The following ABCA3 variants were observed in gnomAD, a reference collection of about 807,000 sequenced individuals.
The protein encoded by ABCA3 is phospholipid-transporting ATPase ABCA3.
ABCA3 carries 88 observed loss-of-function variants against 172.8 expected under a neutral mutation model. The observed-to-expected ratio is 0.51, with a 90% CI of 0.43 to 0.61. The LOEUF is 0.61. Among genes scored for constraint, ABCA3 ranks in the 20% least tolerant of loss-of-function variants. The pLI is 0.00. For synonymous variants in ABCA3, 1,066 were observed against 983.8 expected (o/e 1.08, Z -1.56); for missense variants, 2,164 against 2,301.0 (o/e 0.94, Z 1.22).
chr16:2,317,653 C>T lies in ABCA3; in HGVS notation c.985G>A (p.Val329Ile). The change falls in exon 9 of 33, where the codon GTC becomes ATC. Residue 329 changes from valine to isoleucine, a missense_variant. By Grantham distance (29) the Val-to-Ile change is conservative (BLOSUM62 3). Transcript: ENST00000301732. The part of the protein sequence containing the change: ...AASFMTLLFC[V>I]KVKPNVAVLS... ...CCCACCGACGCCATGCTCACCTTGACACAGAAGAGCAGGGTCATGAAGGAG... is the reference window on the plus strand; with the variant it reads ...CCCACCGACGCCATGCTCACCTTGATACAGAAGAGCAGGGTCATGAAGGAG... The T allele has an allele frequency of 1.2e-6, 2 of 1,614,152 alleles. No individual in the cohort carries two copies. The highest frequency in any genetic ancestry group is 1.3e-5 in the African/African-American group (1 of 75,066).
Position 2,328,772 on chromosome 16 carries a change from A to C in ABCA3, c.-331-15T>G. 1 of 265,672 alleles carries C rather than the reference A, an allele frequency of 3.8e-6. No homozygotes were observed. The highest frequency in any genetic ancestry group is 3.8e-5 in the South Asian group (1 of 26,346). 16.5% of individuals were successfully genotyped at this position (265,672 alleles called of 1,614,324 possible). On this transcript the variant is annotated splice_polypyrimidine_tract_variant and intron_variant, in intron 2 of 32. Transcript: ENST00000301732. ...CACACTCATGGCTGATCCAAACCCA[A>C]CATCATCCATCAGCCAGGTTAAGAT...
At chr16:2,339,082 A>C (rs1045722141) in intron 1 of ABCA3, 1 of 152,244 alleles carries the variant, frequency 6.6e-6, no homozygotes, top group Non-Finnish European at 1.5e-5. Context: ...ATTGTGCACA[A>C]GGCCTTCCCC....
chr16:2,319,610 C>T lies in ABCA3; in HGVS notation c.844G>A (p.Val282Ile), dbSNP rs2093722446. 1.2e-6 allele frequency: 2 copies of T among 1,613,098 alleles called. No individual in the cohort carries two copies. The highest frequency in any genetic ancestry group is 1.7e-6 in the Non-Finnish European group (2 of 1,180,028). ...AGCCTCCTTTCCTTCTCCTGCACGA[C>T]AGCACGGGCAATGGTGAGCGCGGTG... ...TYTALTIARA[V>I]VQEKERRLKE... Residue 282 changes from valine to isoleucine, a missense_variant, in exon 8 of 33, where the codon GTC becomes ATC. Physicochemically the swap from Val to Ile is conservative, Grantham distance 29. Coordinates refer to ENST00000301732, the MANE Select transcript of ABCA3 (RefSeq NM_001089.3).
chr16:2,320,910 A>G (rs1240635011), intron 7 of ABCA3, among the ~76,000 whole-genome samples: 1 of 151,792 alleles, frequency 6.6e-6, no homozygotes, highest in African/African-American at 2.4e-5. Flanking sequence ...TCTTAATAAC[A>G]AAACTTTTTT....
At chr16:2,303,130 T>C (rs994582973) in intron 12 of ABCA3, among the ~76,000 whole-genome samples, 1 of 151,848 alleles carries the variant, frequency 6.6e-6, no homozygotes, top group Non-Finnish European at 1.5e-5. Context: ...CTATGCTATA[T>C]GTCCATCCAT....
rs2093658470 is a variant in ABCA3 at position 2,283,630 on chromosome 16, G to A, written c.3863-272C>T. On this transcript the variant is annotated intron_variant, in intron 25 of 32. Transcript: ENST00000301732. The surrounding 1 kb of genome is among the most constrained non-coding windows in gnomAD (Gnocchi z 5.4). ...CGCCTGAGAGGCACAGGCTCTGCGT[G>A]AATCCTGGGCTGCCTCCTGACCAGG... is the stretch of plus-strand genomic sequence containing the variant. The A allele has an allele frequency of 2.1e-5, 10 of 475,486 alleles. No individual in the cohort carries two copies. The highest frequency in any genetic ancestry group is 1.9e-4 in the South Asian group (9 of 46,928). The allele number at this position is 475,486 out of a possible 1,614,324, so 29.5% of individuals were successfully genotyped here. A position where few individuals can be genotyped will look rare whatever the true frequency, so the allele number is the denominator to read the frequency against.
chr16:2,285,709 G>A lies in ABCA3; in HGVS notation c.3279-63C>T. ...ACGTCTGGGTGGCAGGAGAGGTCGG[G>A]TTCTCGGTTATGACCGCCCAAGGCA... On this transcript the variant is annotated intron_variant, in intron 22 of 32. Coordinates refer to ENST00000301732, the MANE Select transcript of ABCA3 (RefSeq NM_001089.3). This position sits in a 1 kb window ranked among gnomAD's most constrained non-coding sequence, Gnocchi z 4.7. 6.6e-7 allele frequency: 1 copy of A among 1,521,696 alleles called. No individual in the cohort carries two copies. Among genetic ancestry groups the A allele is most frequent in the Non-Finnish European group, 8.9e-7 (1 of 1,123,158 alleles). The allele number at this position is 1,521,696 out of a possible 1,614,324, so 94.3% of individuals were successfully genotyped here.
At chr16:2,337,423 TATAG>T (rs1416614679) in intron 1 of ABCA3, among the ~76,000 whole-genome samples, 19 of 149,534 alleles carry the variant, frequency 1.3e-4, no homozygotes, top group African/African-American at 4.4e-4. Flanking sequence ...TAGGCTGGAG[TATAG>T]ATAGTGGTGT....
chr16:2,316,308 C>CAAAAA (rs1177840434), intron 10 of ABCA3, among the ~76,000 whole-genome samples: 2 of 37,666 alleles, frequency 5.3e-5, no homozygotes, highest in Admixed American at 2.6e-4. Flanking sequence ...GAGGCAGTCT[C>CAAAAA]AAAAAAAAAA....
At chr16:2,310,132 G>A (rs1226099878) in intron 10 of ABCA3, among the ~76,000 whole-genome samples, 2 of 152,114 alleles carry the variant, frequency 1.3e-5, no homozygotes, top group African/African-American at 4.8e-5. Flanking sequence ...CCGGCTGGGT[G>A]TGGTGGCTCA....
rs200830701 is a variant in ABCA3 at position 2,317,784 on chromosome 16, C to T, written c.874-20G>A. 2.2e-4 allele frequency: 352 copies of T among 1,611,334 alleles called. 8 individuals are homozygous for T. The highest frequency in any genetic ancestry group is 1.9e-3 in the South Asian group (172 of 91,020). ...GTACTCCTGGGGAGAGAAGCCATCA[C>T]GCTGCTGGGGGCCCGTCACTGCCCG... On this transcript the variant is annotated intron_variant, in intron 8 of 32. Coordinates refer to ENST00000301732, the MANE Select transcript of ABCA3 (RefSeq NM_001089.3).
At chr16:2,298,771 A>G (rs1469148479) in intron 14 of ABCA3, among the ~76,000 whole-genome samples, 1 of 152,032 alleles carries the variant, frequency 6.6e-6, no homozygotes, top group Admixed American at 6.5e-5. Flanking sequence ...CAGGGAGGAG[A>G]AACCCACGAC....
chr16:2,304,228 C>T lies in ABCA3; in HGVS notation c.1286-78G>A, dbSNP rs1241534428. 39 of 1,511,888 alleles carry T rather than the reference C, an allele frequency of 2.6e-5. No homozygotes were observed. In the East Asian group the frequency reaches 5.9e-4, roughly 23 times the overall value. 93.7% of individuals were successfully genotyped at this position (1,511,888 alleles called of 1,614,324 possible). A position where few individuals can be genotyped will look rare whatever the true frequency, so the allele number is the denominator to read the frequency against. On this transcript the variant is annotated intron_variant, in intron 11 of 32. Transcript: ENST00000301732. ...GGGACCCGAAGCCCCTGATGGCACA[C>T]GTGTGCACATTTGACCTTGCATGGC...
chr16:2,304,204 G>A, intron 11 of ABCA3, 54 bp from the exon 12 acceptor site: 2 of 1,605,882 alleles, frequency 1.2e-6, no homozygotes, highest in Non-Finnish European at 8.5e-7. Context: ...GGGGGCCCAG[G>A]GACCCGAAGC....
rs771501404 is a variant in ABCA3, at chr16:2,324,384, G to A, written c.447+20C>T. The stretch of plus-strand genomic sequence containing the variant: ...CCTTGCTGATGGGCTGTGACTGCTC[G>A]GCCCGGCCGCACGTCTCACCGCCAG... On this transcript the variant is annotated intron_variant, in intron 6 of 32. Transcript: ENST00000301732. 3.8e-6 allele frequency: 6 copies of A among 1,577,516 alleles called. No individual in the cohort carries two copies. The highest frequency in any genetic ancestry group is 2.3e-5 in the South Asian group (2 of 87,394).
Position 2,282,169 on chromosome 16 carries a change from T to C in ABCA3, c.4036-660A>G, listed in dbSNP as rs147502229. On this transcript the variant is annotated intron_variant, in intron 26 of 32. Coordinates refer to ENST00000301732, the MANE Select transcript of ABCA3 (RefSeq NM_001089.3). ...AGGCTGGGATGCAATGGTGTAATCA[T>C]AGGTCACTGCAGCCCGGACCTCCCA... Among the ~76,000 whole-genome samples the C allele has an allele frequency of 4.8e-3, 732 of 152,340 alleles. 2 individuals are homozygous for C. Among genetic ancestry groups the C allele is most frequent in the Non-Finnish European group, 8.5e-3 (578 of 68,026 alleles).
rs916788274 is a variant in ABCA3, at chr16:2,287,098, C to T, written c.3005-131G>A. On this transcript the variant is annotated intron_variant, in intron 21 of 32. Coordinates refer to ENST00000301732, the MANE Select transcript of ABCA3 (RefSeq NM_001089.3). This position sits in a 1 kb window ranked among gnomAD's most constrained non-coding sequence, Gnocchi z 4.1. ...TCCTCTGAGCTGCCCGCCCCATCAC[C>T]CTTCTCCTAAGGAGAGTATAATTTC... 20 of 1,029,002 alleles carry T rather than the reference C, an allele frequency of 1.9e-5. No homozygotes were observed. In the Admixed American group the frequency reaches 3.3e-4, roughly 17 times the overall value. The allele number at this position is 1,029,002 out of a possible 1,614,324, so 63.7% of individuals were successfully genotyped here.
At chr16:2,299,790 G>A (rs1177288152) in intron 13 of ABCA3, among the ~76,000 whole-genome samples, 5 of 152,134 alleles carry the variant, frequency 3.3e-5, no homozygotes, top group African/African-American at 4.8e-5. Context: ...ACTGCTGGAC[G>A]GCTGAGTCTG....
At position 2,323,703 on chromosome 16, in the gene ABCA3, A is replaced by G; in HGVS notation, c.448-15T>C. ...TGATATTTCACCTGTGGAAACAAAG[A>G]GAAAACCAGCTGTTCCGAGAGATCC... On this transcript the variant is annotated splice_polypyrimidine_tract_variant and intron_variant, in intron 6 of 32. Transcript: ENST00000301732. 1 of 1,614,130 alleles carries G rather than the reference A, an allele frequency of 6.2e-7. No individual in the cohort carries two copies. Among genetic ancestry groups the G allele is most frequent in the Non-Finnish European group, 8.5e-7 (1 of 1,179,972 alleles).
Sources: gnomAD v4.1 joint callset for allele counts (sites outside exome capture counted in the v4.1 genomes callset) on GRCh38, gnomAD v4.1.1 for gene constraint, Gnocchi (gnomAD v3.1) non-coding constraint, MANE v1.5 for transcripts, NCBI Gene and HGNC (gene_info 2026-07-23, HGNC 2026-07-21) for gene names.